UBE2E2: variants seen among roughly 807,000 people sequenced by gnomAD.
UBE2E2 encodes ubiquitin-conjugating enzyme E2 E2.
UBE2E2 carries 6 observed loss-of-function variants against 24.7 expected under a neutral mutation model. That is an observed-to-expected ratio of 0.24 (90% CI 0.13 to 0.48). The LOEUF (loss-of-function observed/expected upper bound fraction) is 0.48, where lower values mean the gene tolerates loss of function less well. Among genes scored for constraint, UBE2E2 ranks in the 20% least tolerant of loss-of-function variants. The probability of loss-of-function intolerance (pLI) is 0.99; values close to 1 mark genes in which losing one functional copy is unlikely to be tolerated. For missense variants in UBE2E2, 169 were observed against 245.0 expected (o/e 0.69, Z 2.07); for synonymous variants, 104 against 83.6 (o/e 1.24, Z -1.33).
At chr3:23,446,699 G>GTTTTTT (rs57327621) in intron 3 of UBE2E2, among the ~76,000 whole-genome samples, 24 of 112,210 alleles carry the variant, frequency 2.1e-4, no homozygotes, top group East Asian at 8.7e-4. Flanking sequence ...CGTCTGTTTG[G>GTTTTTT]TTTTTTTTTT....
At chr3:23,371,016 G>T (rs528298874) in intron 3 of UBE2E2, among the ~76,000 whole-genome samples, 2 of 152,238 alleles carry the variant, frequency 1.3e-5, no homozygotes, top group Admixed American at 6.5e-5. Context: ...AACCAATTGT[G>T]TACTTTTTTA....
At chr3:23,391,678 C>T (rs542017794) in intron 3 of UBE2E2, among the ~76,000 whole-genome samples, 28 of 152,082 alleles carry the variant, frequency 1.8e-4, no homozygotes, top group East Asian at 1.2e-3. Flanking sequence ...CTGCATTAAC[C>T]GCATATTTTT....
chr3:23,242,833 C>A (rs1351048188), intron 3 of UBE2E2, among the ~76,000 whole-genome samples: 4 of 152,090 alleles, frequency 2.6e-5, no homozygotes, highest in Admixed American at 6.5e-5. Flanking sequence ...CACCTGTAAT[C>A]CCTGCCATTT....
chr3:23,534,674 A>AT (rs138377152), intron 5 of UBE2E2, among the ~76,000 whole-genome samples: 4,395 of 152,234 alleles, frequency 0.029, 108 homozygotes, highest in East Asian at 0.13. Flanking sequence ...CTTTTGCTTA[A>AT]TGGACTTATT....
rs71051212 is a variant in UBE2E2, at chr3:23,304,853, A to AGTGT, written c.227+87554_227+87557dup. Among the ~76,000 whole-genome samples, 17 of 150,886 alleles carry AGTGT rather than the reference A, an allele frequency of 1.1e-4. 2 individuals carry two copies. Among genetic ancestry groups the AGTGT allele is most frequent in the Admixed American group, 1.3e-4 (2 of 15,148 alleles). On this transcript the variant is annotated intron_variant, in intron 3 of 5. Transcript: ENST00000396703. ...ATACATTTATTCACTTATTCATTGG[A>AGTGT]GTGTGTGTGTGTGTGTAACTTCTAT...
chr3:23,547,998 G>C lies in UBE2E2; in HGVS notation c.508+15297G>C, dbSNP rs149106161. On this transcript the variant is annotated intron_variant, in intron 5 of 5. Transcript: ENST00000396703. ...TGAATACCGGAGGGAAGACTGGAGG[G>C]AAGAGTGATACTCTTAAGGTTAGCA... Among the ~76,000 whole-genome samples, 98 of 152,290 alleles carry C rather than the reference G, an allele frequency of 6.4e-4. 5 individuals carry two copies. In the East Asian group the frequency reaches 0.015, roughly 24 times the overall value.
At chr3:23,370,325 C>G (rs2125339721) in intron 3 of UBE2E2, among the ~76,000 whole-genome samples, 1 of 152,268 alleles carries the variant, frequency 6.6e-6, no homozygotes, top group African/African-American at 2.4e-5. Context: ...AGGAACTGTT[C>G]AGAGTGAATT....
rs533356946 is a variant in UBE2E2 at position 23,343,283 on chromosome 3, A to T, written c.227+125971A>T. Reference sequence around the variant, plus strand: ...ACTGAATATGTAGTATATTCAATTTAAAAACTTTCTGGCCAGGAGCAGTGG... The same window carrying T: ...ACTGAATATGTAGTATATTCAATTTTAAAACTTTCTGGCCAGGAGCAGTGG... On this transcript the variant is annotated intron_variant, in intron 3 of 5. Coordinates refer to ENST00000396703, the MANE Select transcript of UBE2E2 (RefSeq NM_152653.4). Among the ~76,000 whole-genome samples the T allele has an allele frequency of 1.1e-4, 17 of 152,274 alleles. 1 individual carries two copies. Among genetic ancestry groups the T allele is most frequent in the Middle Eastern group, 3.4e-3 (1 of 294 alleles).
chr3:23,255,036 A>C (rs1407761220), intron 3 of UBE2E2, among the ~76,000 whole-genome samples: 1 of 151,040 alleles, frequency 6.6e-6, no homozygotes, highest in African/African-American at 2.4e-5. Context: ...TCTTAAGAAC[A>C]GTTCGTTGAG....
chr3:23,451,562 TATGTA>T (rs1459379347), intron 3 of UBE2E2, among the ~76,000 whole-genome samples: 2 of 152,222 alleles, frequency 1.3e-5, no homozygotes, highest in Non-Finnish European at 2.9e-5. Flanking sequence ...GAGTCTTGAT[TATGTA>T]ATGTAAGATT....
intron 3 of UBE2E2, among the ~76,000 whole-genome samples, chr3:23,363,546 C>A (rs7652287): frequency 6.6e-6 from 1 of 152,152 alleles, no homozygotes; most frequent in Non-Finnish European, 1.5e-5. Context: ...TCAGAAAACA[C>A]AAAGAAAGGC....
chr3:23,258,845 A>G (rs1339460724), intron 3 of UBE2E2, among the ~76,000 whole-genome samples: 3 of 131,666 alleles, frequency 2.3e-5, no homozygotes, highest in Non-Finnish European at 4.7e-5. Flanking sequence ...TTGAGCTGAG[A>G]TTGTTCCACT....
chr3:23,477,967 G>C (rs1168899436), intron 3 of UBE2E2, among the ~76,000 whole-genome samples: 1 of 152,206 alleles, frequency 6.6e-6, no homozygotes, highest in East Asian at 1.9e-4. Context: ...GGAGGTGTTT[G>C]CTTCCACTTC....
chr3:23,503,534 A>G (rs1694346512), intron 4 of UBE2E2, among the ~76,000 whole-genome samples: 1 of 152,066 alleles, frequency 6.6e-6, no homozygotes, highest in African/African-American at 2.4e-5. Flanking sequence ...TTAGATTCAT[A>G]GATAATTAGT....
At chr3:23,528,928 T>G (rs1339416855) in intron 4 of UBE2E2, among the ~76,000 whole-genome samples, 1 of 152,248 alleles carries the variant, frequency 6.6e-6, no homozygotes, top group Non-Finnish European at 1.5e-5. Context: ...ATCTGCCTAT[T>G]CTACCACATC....
At chr3:23,253,986 G>C (rs1697648698) in intron 3 of UBE2E2, among the ~76,000 whole-genome samples, 1 of 152,150 alleles carries the variant, frequency 6.6e-6, no homozygotes, top group Non-Finnish European at 1.5e-5. Context: ...GTGATTTTAA[G>C]AAAATTTAGT....
intron 3 of UBE2E2, among the ~76,000 whole-genome samples, chr3:23,428,219 G>A (rs921888452): frequency 3.3e-5 from 5 of 152,200 alleles, no homozygotes; most frequent in African/African-American, 1.2e-4. Context: ...CCACAATGGA[G>A]TTAAACTAGA....
intron 4 of UBE2E2, among the ~76,000 whole-genome samples, chr3:23,504,624 A>G (rs1267418840): frequency 6.6e-6 from 1 of 152,194 alleles, no homozygotes; most frequent in African/African-American, 2.4e-5. Flanking sequence ...TTTTACTGGC[A>G]ATAGATGAAA....
At chr3:23,375,966 T>C (rs1047020852) in intron 3 of UBE2E2, among the ~76,000 whole-genome samples, 10 of 152,224 alleles carry the variant, frequency 6.6e-5, no homozygotes, top group African/African-American at 2.4e-4. Flanking sequence ...ACTGGTTTTG[T>C]AAAACTGCTC....
Sources: gnomAD v4.1 joint callset for allele counts (sites outside exome capture counted in the v4.1 genomes callset) on GRCh38, gnomAD v4.1.1 for gene constraint, MANE v1.5 for transcripts, NCBI Gene and HGNC (gene_info 2026-07-23, HGNC 2026-07-21) for gene names.